Variants in THSD7A observed in about 807,000 individuals in gnomAD.
THSD7A encodes thrombospondin type 1 domain containing 7A.
A neutral mutation model predicts 231.3 loss-of-function variants in THSD7A; 96 were observed. The ratio of observed to expected loss-of-function variants is 0.41; its 90% CI spans 0.35 to 0.49. The LOEUF (loss-of-function observed/expected upper bound fraction) is 0.49. Ranked by LOEUF, THSD7A falls within the 20% of genes least tolerant of loss-of-function variation. The pLI is 0.05. For missense variants in THSD7A, 2,290 were observed against 2,070.2 expected, an observed-to-expected ratio of 1.11 and a Z score of -2.06; for synonymous variants, 940 against 743.3, an observed-to-expected ratio of 1.26 and a Z score of -4.30.
chr7:11,599,566 G>C (rs944920891), intron 2 of THSD7A, among the ~76,000 whole-genome samples: 15 of 152,098 alleles, frequency 9.9e-5, no homozygotes, highest in South Asian at 4.1e-4. Context: ...TTTAAGTATT[G>C]TTAACTTTAT....
At chr7:11,788,621 C>T (rs562315403) in intron 1 of THSD7A, among the ~76,000 whole-genome samples, 2 of 151,996 alleles carry the variant, frequency 1.3e-5, no homozygotes, top group Non-Finnish European at 2.9e-5. Context: ...TTCTATACAT[C>T]AACAAAGTCA....
chr7:11,707,965 T>A (rs1391634940), intron 1 of THSD7A, among the ~76,000 whole-genome samples: 1 of 150,792 alleles, frequency 6.6e-6, no homozygotes, highest in Non-Finnish European at 1.5e-5. Context: ...CCTTACAAAA[T>A]ATGCCAATGA....
intron 4 of THSD7A, among the ~76,000 whole-genome samples, chr7:11,568,760 G>A (rs1360330690): frequency 1.3e-5 from 2 of 150,664 alleles, no homozygotes; most frequent in Non-Finnish European, 3.0e-5. Flanking sequence ...AAAGGTATCC[G>A]TATTGGGAAA....
chr7:11,660,032 G>C (rs1782869088), intron 1 of THSD7A, among the ~76,000 whole-genome samples: 2 of 151,390 alleles, frequency 1.3e-5, no homozygotes, highest in South Asian at 4.1e-4. Context: ...AATTTAAGAA[G>C]CACAGATAAT....
In THSD7A at chr7:11,541,455, T is replaced by G; in HGVS notation, c.1786A>C (p.Thr596Pro). 1 of 1,613,980 alleles carries G rather than the reference T, an allele frequency of 6.2e-7. No individual in the cohort carries two copies. Among genetic ancestry groups the G allele is most frequent in the Non-Finnish European group, 8.5e-7 (1 of 1,179,882 alleles). ...ATGCACACAACCTCTTGAACTTGCG[T>G]GCCTGGACCACACTCCTTTCCGTTA... ...PDNGKECGPGTQVQEVVCINS... is the reference protein window; with the variant it reads ...PDNGKECGPGPQVQEVVCINS... The change falls in exon 6 of 28, where the codon ACG (threonine) becomes CCG (proline). Residue 596 changes from threonine (T) to proline (P), a missense_variant. Thr to Pro is a conservative substitution (Grantham distance 38). Coordinates refer to ENST00000423059, the MANE Select transcript of THSD7A (RefSeq NM_015204.3).
At chr7:11,703,482 C>T (rs1449743047) in intron 1 of THSD7A, among the ~76,000 whole-genome samples, 1 of 151,186 alleles carries the variant, frequency 6.6e-6, no homozygotes, top group African/African-American at 2.4e-5. Flanking sequence ...TATTTCCTCT[C>T]TCATTAATCA....
At position 11,555,490 on chromosome 7, in the gene THSD7A, G is replaced by T. The variant is rs146675531; in HGVS notation, c.1454-12373C>A. Among the ~76,000 whole-genome samples, 228 of 151,840 alleles carry T rather than the reference G, an allele frequency of 1.5e-3. 1 individual carries two copies. Among genetic ancestry groups the T allele is most frequent in the African/African-American group, 5.2e-3 (217 of 41,468 alleles). On this transcript the variant is annotated intron_variant, in intron 4 of 27. Coordinates refer to ENST00000423059, the MANE Select transcript of THSD7A (RefSeq NM_015204.3). ...ACTATGTTTTATGGATGATGACATG[G>T]TCTATTTTGGTATATGTTTCACTTG...
chr7:11,646,871 T>A (rs981828603), intron 1 of THSD7A, among the ~76,000 whole-genome samples: 1 of 152,016 alleles, frequency 6.6e-6, no homozygotes, highest in Admixed American at 6.6e-5. Context: ...AGTAATTCCA[T>A]GGAGCAGGGC....
At chr7:11,591,914 T>C (rs1780179893) in intron 3 of THSD7A, among the ~76,000 whole-genome samples, 1 of 152,248 alleles carries the variant, frequency 6.6e-6, no homozygotes, top group African/African-American at 2.4e-5. Flanking sequence ...GTCAATAATT[T>C]AGATTGGTTA....
intron 1 of THSD7A, among the ~76,000 whole-genome samples, chr7:11,734,845 C>A (rs1764702675): frequency 1.3e-5 from 2 of 151,636 alleles, no homozygotes; most frequent in Admixed American, 6.6e-5. Context: ...TTGAATAAAC[C>A]CATTTTTTCA....
chr7:11,460,976 A>C (rs939080858), intron 10 of THSD7A, among the ~76,000 whole-genome samples: 1 of 152,234 alleles, frequency 6.6e-6, no homozygotes, highest in African/African-American at 2.4e-5. Context: ...TGAAGACAAG[A>C]GTACATCATT....
chr7:11,588,954 A>G (rs554555117), intron 4 of THSD7A, among the ~76,000 whole-genome samples: 1 of 152,352 alleles, frequency 6.6e-6, no homozygotes, highest in South Asian at 2.1e-4. Flanking sequence ...AAGTTAGTGG[A>G]TACAGAACAA....
intron 1 of THSD7A, among the ~76,000 whole-genome samples, chr7:11,783,537 A>C (rs1783697349): frequency 6.6e-6 from 1 of 152,170 alleles, no homozygotes; most frequent in Non-Finnish European, 1.5e-5. Context: ...TTTATAGATC[A>C]AACTTCACTG....
At chr7:11,700,895 T>A (rs1780577152) in intron 1 of THSD7A, among the ~76,000 whole-genome samples, 3 of 151,266 alleles carry the variant, frequency 2.0e-5, no homozygotes, top group Admixed American at 2.0e-4. Context: ...CTATCTGTAT[T>A]TAAATGTATA....
At position 11,495,880 on chromosome 7, in the gene THSD7A, G is replaced by A. The variant is rs181806011; in HGVS notation, c.1823-13898C>T. On this transcript the variant is annotated intron_variant, in intron 6 of 27. Coordinates refer to ENST00000423059, the MANE Select transcript of THSD7A (RefSeq NM_015204.3). ...TGGATGAGATGAAATACACAGAATC[G>A]AAATAACAGGGGATTTGGAGAGTTA... 1.1e-4 allele frequency among the ~76,000 whole-genome samples: 16 copies of A among 152,194 alleles called. No individual in the cohort carries two copies. The East Asian group carries it at 1.9e-3, about 18-fold the overall frequency.
At chr7:11,549,644 G>A (rs1789541568) in intron 4 of THSD7A, among the ~76,000 whole-genome samples, 1 of 152,084 alleles carries the variant, frequency 6.6e-6, no homozygotes, top group Non-Finnish European at 1.5e-5. Flanking sequence ...GGATGGAGCT[G>A]GAAGCCATTA....
intron 4 of THSD7A, among the ~76,000 whole-genome samples, chr7:11,554,358 A>G (rs1030324581): frequency 5.3e-5 from 8 of 152,044 alleles, no homozygotes; most frequent in Admixed American, 2.0e-4. Flanking sequence ...AAGCCAAGGA[A>G]CACCAAGGAT....
chr7:11,829,083 T>C (rs192212272), intron 1 of THSD7A, among the ~76,000 whole-genome samples: 49 of 152,204 alleles, frequency 3.2e-4, no homozygotes, highest in Admixed American at 8.5e-4. Flanking sequence ...CAATATAGTA[T>C]ATAATACATA....
At chr7:11,412,431 A>G (rs1187824982) in intron 18 of THSD7A, among the ~76,000 whole-genome samples, 1 of 152,202 alleles carries the variant, frequency 6.6e-6, no homozygotes, top group African/African-American at 2.4e-5. Flanking sequence ...AACCTACTTT[A>G]AGGGCTAATG....
Sources: gnomAD v4.1 joint callset for allele counts (sites outside exome capture counted in the v4.1 genomes callset) on GRCh38, gnomAD v4.1.1 for gene constraint, MANE v1.5 for transcripts, NCBI Gene and HGNC (gene_info 2026-07-23, HGNC 2026-07-21) for gene names.